Variants in ITGAE observed in about 807,000 individuals in gnomAD.
ITGAE encodes the protein integrin alpha-E.
Under a neutral mutation model 136.5 loss-of-function variants are expected in ITGAE, and 99 were observed. The ratio of observed to expected loss-of-function variants is 0.73; its 90% confidence interval spans 0.62 to 0.86. The LOEUF is 0.86. Among genes scored for constraint, ITGAE ranks in the 40% least tolerant of loss-of-function variants. The probability of loss-of-function intolerance (pLI) is 0.00; values close to 1 mark genes in which losing one functional copy is unlikely to be tolerated. For missense variants in ITGAE, 1,447 were observed against 1,515.3 expected, an observed-to-expected ratio of 0.95 and a Z score of 0.75; for synonymous variants, 613 against 591.8, an observed-to-expected ratio of 1.04 and a Z score of -0.52.
rs1389263351 is a variant in ITGAE at position 3,748,058 on chromosome 17, C to A, written c.2025-6G>T. On this transcript the variant is annotated splice_region_variant and splice_polypyrimidine_tract_variant and intron_variant, in intron 16 of 30. Transcript: ENST00000263087. ...GGCGAACCACAGGCCGGGAGCTAAA[C>A]AAGACAGCAAAGAGGATGGGAGAAG... is the stretch of plus-strand genomic sequence containing the variant. The A allele has an allele frequency of 1.2e-6, 2 of 1,608,854 alleles. No homozygotes were observed. The highest frequency in any genetic ancestry group is 1.3e-5 in the African/African-American group (1 of 74,776).
chr17:3,756,156 C>T (rs1429869068), intron 10 of ITGAE, among the ~76,000 whole-genome samples: 3 of 151,666 alleles, frequency 2.0e-5, no homozygotes, highest in Non-Finnish European at 4.4e-5. Flanking sequence ...GTTTCTCCAG[C>T]ACCAGCTCAG....
chr17:3,739,303 C>A (rs1015003781), intron 20 of ITGAE, among the ~76,000 whole-genome samples: 1 of 152,232 alleles, frequency 6.6e-6, no homozygotes, highest in East Asian at 1.9e-4. Context: ...TACCTACTTA[C>A]CATCTTCTCC....
intron 2 of ITGAE, among the ~76,000 whole-genome samples, chr17:3,771,132 G>A (rs957469480): frequency 3.9e-5 from 6 of 151,944 alleles, no homozygotes; most frequent in South Asian, 2.1e-4. Context: ...TCAAAAGGAG[G>A]TGCACATCAG....
At chr17:3,743,705 C>CATTT in intron 18 of ITGAE, 88 bp from the exon 19 acceptor site, 1 of 934,260 alleles carries the variant, frequency 1.1e-6, no homozygotes, top group Non-Finnish European at 1.5e-6. Flanking sequence ...TTCTTTTTTT[C>CATTT]TTTTTTTTTT....
chr17:3,752,135 C>A (rs1311660117), intron 14 of ITGAE, among the ~76,000 whole-genome samples: 1 of 152,184 alleles, frequency 6.6e-6, no homozygotes, highest in Non-Finnish European at 1.5e-5. Flanking sequence ...CCAGGATGCA[C>A]GCTCACTGGC....
At position 3,759,518 on chromosome 17, in the gene ITGAE, G is replaced by C. The variant is rs1259891690; in HGVS notation, c.750C>G (p.Ile250Met). 1 of 1,614,068 alleles carries C rather than the reference G, an allele frequency of 6.2e-7. No homozygotes were observed. The highest frequency in any genetic ancestry group is 8.5e-7 in the Non-Finnish European group (1 of 1,180,030). ...NFALVQYGGV[I>M]QTEFDLRDSQ... is the part of the protein sequence containing the mutation. ...TGTCCCGAAGGTCAAACTCAGTCTG[G>C]ATCACTCCTCCATACTGCACCAAGG... is the stretch of plus-strand genomic sequence containing the variant. The change falls in exon 8 of 31, where the codon ATC (isoleucine) becomes ATG (methionine). Residue 250 changes from isoleucine to methionine, a missense_variant. Ile to Met is a conservative substitution (Grantham distance 10). This residue lies in a region of ITGAE where 310 missense variants were observed against 416.1 expected (regional missense o/e 0.74). Coordinates refer to ENST00000263087, the MANE Select transcript of ITGAE (RefSeq NM_002208.5).
chr17:3,777,446 G>T, intron 2 of ITGAE, 94 bp downstream of exon 2: 1 of 1,454,928 alleles, frequency 6.9e-7, no homozygotes, highest in Non-Finnish European at 9.3e-7. Flanking sequence ...TGACGGTGGG[G>T]TGGGGTGGGC....
intron 12 of ITGAE, 61 bp from the exon 13 acceptor site, chr17:3,753,986 GC>G: frequency 6.4e-7 from 1 of 1,571,496 alleles, no homozygotes; most frequent in Non-Finnish European, 8.7e-7. Context: ...CTCTCTCTTG[GC>G]CCCGGCACCT....
chr17:3,725,653 T>C (rs371118481), intron 26 of ITGAE: 4 of 1,600,026 alleles, frequency 2.5e-6, no homozygotes, highest in Non-Finnish European at 3.4e-6. Context: ...CCTCCCTTGC[T>C]CCTCAAAGCC....
At chr17:3,738,671 T>C (rs1261789620) in intron 20 of ITGAE, among the ~76,000 whole-genome samples, 1 of 152,174 alleles carries the variant, frequency 6.6e-6, no homozygotes, top group East Asian at 1.9e-4. Context: ...AAATGTTTCA[T>C]TGTGATTAAT....
At chr17:3,781,071 T>A (rs1310061588) in intron 1 of ITGAE, among the ~76,000 whole-genome samples, 1 of 152,224 alleles carries the variant, frequency 6.6e-6, no homozygotes, top group Non-Finnish European at 1.5e-5. Context: ...TGCCTACTCA[T>A]GTACATTATT....
intron 2 of ITGAE, among the ~76,000 whole-genome samples, chr17:3,771,682 G>A (rs886588127): frequency 5.9e-5 from 9 of 151,666 alleles, no homozygotes; most frequent in East Asian, 1.9e-4. Flanking sequence ...GATTACAAGC[G>A]CCCACCACCA....
intron 2 of ITGAE, among the ~76,000 whole-genome samples, chr17:3,775,970 T>A (rs1308931527): frequency 6.6e-6 from 1 of 152,064 alleles, no homozygotes; most frequent in East Asian, 1.9e-4. Flanking sequence ...ATTTTGCTTA[T>A]CTAATAGGTG....
Position 3,716,823 on chromosome 17 carries a change from A to C in ITGAE, c.3334-25T>G, listed in dbSNP as rs777492867. The C allele has an allele frequency of 9.9e-6, 13 of 1,315,734 alleles. No individual in the cohort carries two copies. The African/African-American group carries it at 1.9e-4, about 19-fold the overall frequency. The allele number at this position is 1,315,734 out of a possible 1,614,324, so 81.5% of individuals were successfully genotyped here. On this transcript the variant is annotated intron_variant, in intron 29 of 30. Transcript: ENST00000263087. The stretch of plus-strand genomic sequence containing the variant: ...TCTAGACAAGACAAAGAGATCGCCC[A>C]ATAAATCAGGTGAAGCAAACAAGGA...
At chr17:3,720,483 T>A (rs2051027339) in intron 28 of ITGAE, 81 bp from the exon 29 acceptor site, 2 of 702,340 alleles carry the variant, frequency 2.8e-6, no homozygotes, top group Admixed American at 2.1e-5. Flanking sequence ...CTTCACCACC[T>A]TTCCCTTTAA....
chr17:3,769,364 G>A (rs1323288267), intron 2 of ITGAE, among the ~76,000 whole-genome samples: 1 of 145,984 alleles, frequency 6.9e-6, no homozygotes, highest in East Asian at 2.0e-4. Flanking sequence ...CACCTGGACT[G>A]CGCGTTCCCA....
At chr17:3,747,269 C>T (rs2143017225) in intron 17 of ITGAE, among the ~76,000 whole-genome samples, 1 of 152,076 alleles carries the variant, frequency 6.6e-6, no homozygotes, top group South Asian at 2.1e-4. Flanking sequence ...TCAGAAGCCC[C>T]CGCACACACG....
chr17:3,785,290 G>A (rs376691171), intron 1 of ITGAE, among the ~76,000 whole-genome samples: 3 of 152,222 alleles, frequency 2.0e-5, no homozygotes, highest in East Asian at 3.9e-4. Flanking sequence ...CCAACATGGT[G>A]AAGCCCCATC....
In ITGAE at chr17:3,723,692, A is replaced by C. The variant is rs1597297297; in HGVS notation, c.3137T>G (p.Val1046Gly). ...SQERACAYSSVQHVEEWHSVS... is the reference protein window; with the variant it reads ...SQERACAYSSGQHVEEWHSVS... Reference sequence around the variant, plus strand: ...TCTCGGGACGGCCGCGCTTACCTGAACCGAACTGTACGCACAAGCGCGCTC... The same window carrying C: ...TCTCGGGACGGCCGCGCTTACCTGACCCGAACTGTACGCACAAGCGCGCTC... The change falls in exon 27 of 31, where the codon GTT (valine) becomes GGT (glycine). Residue 1046 changes from valine (V) to glycine (G), a missense_variant. Val to Gly is a moderately radical substitution (Grantham distance 109, BLOSUM62 -3). Around this residue, in one of 3 missense-constraint regions of ITGAE, gnomAD observed 1,031 missense variants for 1,011.4 expected, o/e 1.02. Transcript: ENST00000263087. 2 of 1,598,088 alleles carry C rather than the reference A, an allele frequency of 1.3e-6. No homozygotes were observed. Among genetic ancestry groups the C allele is most frequent in the Non-Finnish European group, 1.7e-6 (2 of 1,172,028 alleles).
Sources: gnomAD v4.1 joint callset for allele counts (sites outside exome capture counted in the v4.1 genomes callset) on GRCh38, gnomAD v4.1.1 for gene constraint, gnomAD v4.1.1 regional missense constraint, MANE v1.5 for transcripts, NCBI Gene and HGNC (gene_info 2026-07-23, HGNC 2026-07-21) for gene names.